The following GPR55 variants were observed in gnomAD, a reference collection of about 807,000 sequenced individuals.
The protein encoded by GPR55 is G-protein coupled receptor 55.
In GPR55, 6 loss-of-function variants were observed where a neutral mutation model predicts 7.9. The ratio of observed to expected loss-of-function variants is 0.76; its 90% confidence interval spans 0.41 to 1.49. GPR55 has a LOEUF of 1.49. Among genes scored for constraint, GPR55 ranks in the 40% most tolerant of loss-of-function variants. GPR55 has a pLI of 0.01. For synonymous variants in GPR55, 183 were observed against 166.8 expected (o/e 1.10, Z -0.75); for missense variants, 376 against 406.0 (o/e 0.93, Z 0.63).
Position 230,934,979 on chromosome 2 carries a change from G to T in GPR55, c.-134-23883C>A, listed in dbSNP as rs6761591. ...GCCCAGGGTGCCCAGAGCCTCTCTG[G>T]CTGCCAGGACACACATGGGTTACCT... is the stretch of plus-strand genomic sequence containing the variant. On this transcript the variant is annotated intron_variant, in intron 1 of 1. Coordinates refer to the GPR55 transcript ENST00000392039. Among the ~76,000 whole-genome samples the T allele has an allele frequency of 3.1e-3, 474 of 152,134 alleles. 3 individuals are homozygous for T. The highest frequency in any genetic ancestry group is 0.011 in the African/African-American group (447 of 41,504).
intron 1 of GPR55, among the ~76,000 whole-genome samples, chr2:230,952,979 T>A (rs1691427515): frequency 6.6e-6 from 1 of 152,240 alleles, no homozygotes; most frequent in African/African-American, 2.4e-5. Flanking sequence ...GTTGTCACCA[T>A]GATGTTTTCC....
chr2:230,919,786 T>C (rs746739269), intron 1 of GPR55, among the ~76,000 whole-genome samples: 1 of 152,200 alleles, frequency 6.6e-6, no homozygotes, highest in Non-Finnish European at 1.5e-5. Context: ...TTTTTTCTAA[T>C]AGTAAAAAAT....
chr2:230,937,722 C>G (rs9752670), intron 1 of GPR55, among the ~76,000 whole-genome samples: 3,322 of 152,044 alleles, frequency 0.022, 120 homozygotes, highest in African/African-American at 0.076. Flanking sequence ...AAAAGTCTTG[C>G]CCTGGCTCAT....
intron 1 of GPR55, among the ~76,000 whole-genome samples, chr2:230,937,406 C>G (rs1020339550): frequency 4.9e-5 from 3 of 61,648 alleles, no homozygotes; most frequent in African/African-American, 4.3e-4. Context: ...CATTGTCACT[C>G]TCAGAGATAA....
At chr2:230,959,406 G>A (rs150574298) in intron 1 of GPR55, among the ~76,000 whole-genome samples, 9 of 152,096 alleles carry the variant, frequency 5.9e-5, no homozygotes, top group East Asian at 3.9e-4. Flanking sequence ...CTGTGATTGC[G>A]CCACTGCACT....
At chr2:230,942,379 T>A (rs1386976229) in intron 1 of GPR55, among the ~76,000 whole-genome samples, 1 of 152,048 alleles carries the variant, frequency 6.6e-6, no homozygotes, top group East Asian at 1.9e-4. Flanking sequence ...AATTACTTAG[T>A]CCTCAGGGGC....
upstream of GPR55, among the ~76,000 whole-genome samples, chr2:230,927,663 G>A (rs1053555043): frequency 6.6e-6 from 1 of 152,212 alleles, no homozygotes; most frequent in African/African-American, 2.4e-5. Flanking sequence ...GGGTTTGGGG[G>A]CACACACCTT....
At chr2:230,934,310 G>A (rs1463599100) in intron 1 of GPR55, among the ~76,000 whole-genome samples, 1 of 152,214 alleles carries the variant, frequency 6.6e-6, no homozygotes, top group African/African-American at 2.4e-5. Context: ...CAAAAGCTGT[G>A]GAACGAGCAC....
chr2:230,936,471 C>T (rs1691134199), intron 1 of GPR55, among the ~76,000 whole-genome samples: 1 of 152,176 alleles, frequency 6.6e-6, no homozygotes, highest in Admixed American at 6.5e-5. Context: ...TGAAGAAGGA[C>T]ATGTTTGCTT....
intron 1 of GPR55, among the ~76,000 whole-genome samples, chr2:230,955,918 G>A (rs1691474983): frequency 6.6e-6 from 1 of 151,994 alleles, no homozygotes; most frequent in Admixed American, 6.5e-5. Context: ...GTAGAGTCAG[G>A]GTCTCACTAT....
At position 230,910,972 on chromosome 2, in the gene GPR55, T is replaced by C. The variant is rs749780101; in HGVS notation, c.-10A>G. ...TGTTTTGCTGACTCATGTTTCTTCC[T>C]ACAACACCAACAGATCAGACGGGGC... On this transcript the variant is annotated 5_prime_UTR_variant, in exon 2 of 2. Coordinates refer to ENST00000650999, the MANE Select transcript of GPR55 (RefSeq NM_005683.4). The surrounding 1 kb of genome is among the most constrained non-coding windows in gnomAD (Gnocchi z 5.4). 1.6e-5 allele frequency: 25 copies of C among 1,585,094 alleles called. No individual in the cohort carries two copies. Among genetic ancestry groups the C allele is most frequent in the Non-Finnish European group, 2.2e-5 (25 of 1,161,782 alleles).
chr2:230,918,482 A>G (rs1490696971), intron 1 of GPR55, among the ~76,000 whole-genome samples: 1 of 152,226 alleles, frequency 6.6e-6, no homozygotes, highest in Non-Finnish European at 1.5e-5. Flanking sequence ...CTCTTAAAAT[A>G]GGCTCTAGCT....
intron 1 of GPR55, among the ~76,000 whole-genome samples, chr2:230,943,093 G>A (rs545620837): frequency 6.6e-6 from 1 of 151,692 alleles, no homozygotes; most frequent in Admixed American, 6.6e-5. Flanking sequence ...GAGAAAGAGA[G>A]AGAGAGGAGA....
At chr2:230,940,964 A>G (rs79601843) in intron 1 of GPR55, among the ~76,000 whole-genome samples, 4,245 of 152,202 alleles carry the variant, frequency 0.028, 196 homozygotes, top group African/African-American at 0.097. Context: ...TAAAATACAA[A>G]AAATTAGCCG....
intron 1 of GPR55, among the ~76,000 whole-genome samples, chr2:230,911,464 G>A (rs1426378856): frequency 6.6e-6 from 1 of 152,174 alleles, no homozygotes; most frequent in African/African-American, 2.4e-5. Context: ...CCACTTTCCT[G>A]ATGGTTGGAC....
intron 1 of GPR55, among the ~76,000 whole-genome samples, chr2:230,936,281 G>A (rs1197936807): frequency 3.3e-5 from 5 of 152,168 alleles, no homozygotes; most frequent in African/African-American, 4.8e-5. Context: ...ATCTTGAATT[G>A]TAGTTCTCAT....
upstream of GPR55, among the ~76,000 whole-genome samples, chr2:230,930,123 C>A (rs910657885): frequency 6.6e-6 from 1 of 152,258 alleles, no homozygotes; most frequent in Non-Finnish European, 1.5e-5. Flanking sequence ...CCTCTGAGTA[C>A]CCCCTCTGGC....
At chr2:230,916,361 A>G (rs968715248) in intron 1 of GPR55, among the ~76,000 whole-genome samples, 3 of 150,398 alleles carry the variant, frequency 2.0e-5, no homozygotes, top group Non-Finnish European at 4.4e-5. Context: ...ATCTCTACCA[A>G]AAAAAAAACT....
upstream of GPR55, chr2:230,925,302 G>C (rs1056927916): frequency 6.6e-6 from 1 of 152,618 alleles, no homozygotes; most frequent in African/African-American, 2.4e-5. Context: ...TAAAGGGGTG[G>C]GACCAGATGC....
Sources: allele counts gnomAD v4.1 joint callset (sites outside exome capture counted in the v4.1 genomes callset), GRCh38; gene constraint gnomAD v4.1.1; non-coding constraint Gnocchi (gnomAD v3.1); transcripts MANE v1.5; gene names NCBI Gene and HGNC (gene_info 2026-07-23, HGNC 2026-07-21).